The following SORCS3 variants were observed in gnomAD, a reference collection of about 807,000 sequenced individuals.
SORCS3 encodes VPS10 domain-containing receptor SorCS3.
In SORCS3, 57 loss-of-function variants were observed where a neutral mutation model predicts 146.3. The observed-to-expected ratio is 0.39, with a 90% CI of 0.31 to 0.49. The LOEUF (loss-of-function observed/expected upper bound fraction) is 0.49. Among genes scored for constraint, SORCS3 ranks in the 20% least tolerant of loss-of-function variants. SORCS3 has a pLI of 0.92. For synonymous variants in SORCS3, 653 were observed against 618.5 expected, an observed-to-expected ratio of 1.06 and a Z score of -0.83; for missense variants, 1,341 against 1,575.5, an observed-to-expected ratio of 0.85 and a Z score of 2.52.
At chr10:105,105,581 A>C (rs1217850659) in intron 7 of SORCS3, 66 bp downstream of exon 7, 1 of 1,136,280 alleles carries the variant, frequency 8.8e-7, no homozygotes, top group African/African-American at 1.5e-5. Context: ...CTGCTAGGAA[A>C]AGGAGGGTGG....
chr10:105,072,124 G>C (rs748659767), intron 5 of SORCS3, among the ~76,000 whole-genome samples: 3 of 152,098 alleles, frequency 2.0e-5, no homozygotes, highest in Non-Finnish European at 4.4e-5. Flanking sequence ...ATTCTTGCTG[G>C]GTTGCAATTC....
At chr10:105,096,090 A>G (rs778064586) in intron 6 of SORCS3, among the ~76,000 whole-genome samples, 1 of 148,526 alleles carries the variant, frequency 6.7e-6, no homozygotes, top group Non-Finnish European at 1.5e-5. Flanking sequence ...AAGCATTATA[A>G]TCACCTCACA....
At chr10:104,735,272 T>C (rs1314988179) in intron 1 of SORCS3, among the ~76,000 whole-genome samples, 1 of 151,984 alleles carries the variant, frequency 6.6e-6, no homozygotes, top group Non-Finnish European at 1.5e-5. Flanking sequence ...CTCAAAAAAT[T>C]GGCTTAGAAA....
Position 105,147,485 on chromosome 10 carries a change from G to A in SORCS3, c.1303-132G>A, listed in dbSNP as rs2056139288. On this transcript the variant is annotated intron_variant, in intron 8 of 26. Transcript: ENST00000369701. ...ATAATTTATAGCCTTGGTTCAACATGGAATTGTTTAACATTGCCTATAACT... is the reference window on the plus strand; with the variant it reads ...ATAATTTATAGCCTTGGTTCAACATAGAATTGTTTAACATTGCCTATAACT... 7 of 670,306 alleles carry A rather than the reference G, an allele frequency of 1.0e-5. No individual in the cohort carries two copies. The East Asian group carries it at 2.1e-4, about 20-fold the overall frequency. 41.5% of individuals were successfully genotyped at this position (670,306 alleles called of 1,614,324 possible). A position where few individuals can be genotyped will look rare whatever the true frequency, so the allele number is the denominator to read the frequency against.
chr10:105,238,752 T>C (rs1419766519), intron 20 of SORCS3, among the ~76,000 whole-genome samples: 1 of 152,218 alleles, frequency 6.6e-6, no homozygotes, highest in Admixed American at 6.5e-5. Context: ...AGTTTTTAGA[T>C]GTATTTAAGT....
intron 5 of SORCS3, among the ~76,000 whole-genome samples, chr10:105,086,665 G>A (rs74157417): frequency 0.015 from 2,275 of 152,254 alleles, 54 homozygotes; most frequent in African/African-American, 0.052. Context: ...ATCAGGCTTC[G>A]TCAGTATGGT....
chr10:105,227,885 T>C (rs2056743186), intron 20 of SORCS3, among the ~76,000 whole-genome samples: 1 of 152,038 alleles, frequency 6.6e-6, no homozygotes. Context: ...ATTTTCAGTT[T>C]TCATTTGCAT....
chr10:104,928,065 A>ATGAG (rs2019166944), intron 3 of SORCS3, among the ~76,000 whole-genome samples: 1 of 152,158 alleles, frequency 6.6e-6, no homozygotes, highest in Non-Finnish European at 1.5e-5. Flanking sequence ...TGATAAGGTA[A>ATGAG]TGAGAGTATA....
intron 4 of SORCS3, among the ~76,000 whole-genome samples, chr10:105,006,963 T>C (rs1008472522): frequency 1.3e-4 from 20 of 152,324 alleles, no homozygotes; most frequent in Non-Finnish European, 2.2e-4. Flanking sequence ...AGGAAAAGAC[T>C]TGGTCTCCTT....
chr10:104,726,682 G>T (rs1179459724), intron 1 of SORCS3, among the ~76,000 whole-genome samples: 1 of 151,868 alleles, frequency 6.6e-6, no homozygotes, highest in Non-Finnish European at 1.5e-5. Context: ...ATCTTCAATA[G>T]CTCTCTGTTG....
chr10:105,226,082 T>G (rs1370202066), intron 20 of SORCS3, among the ~76,000 whole-genome samples: 1 of 151,926 alleles, frequency 6.6e-6, no homozygotes, highest in Non-Finnish European at 1.5e-5. Flanking sequence ...GGTTAGGACT[T>G]CCGGTCCTAT....
chr10:104,752,898 G>A (rs2017005348), intron 1 of SORCS3, among the ~76,000 whole-genome samples: 1 of 151,936 alleles, frequency 6.6e-6, no homozygotes, highest in African/African-American at 2.4e-5. Context: ...CAACAACCTT[G>A]GAAAGGGTTT....
intron 4 of SORCS3, among the ~76,000 whole-genome samples, chr10:104,998,966 A>G (rs572257490): frequency 1.3e-5 from 2 of 152,292 alleles, no homozygotes; most frequent in African/African-American, 4.8e-5. Flanking sequence ...GTGGAAGTAT[A>G]CACAAAGGGG....
chr10:104,965,661 ATTTCT>A (rs2054822277), intron 3 of SORCS3, among the ~76,000 whole-genome samples: 1 of 151,992 alleles, frequency 6.6e-6, no homozygotes, highest in African/African-American at 2.4e-5. Context: ...TTTGATTTGC[ATTTCT>A]TTAATGATTA....
intron 3 of SORCS3, among the ~76,000 whole-genome samples, chr10:104,970,462 C>T (rs551678745): frequency 1.4e-4 from 22 of 152,256 alleles, no homozygotes; most frequent in East Asian, 5.8e-4. Context: ...CCATTATATT[C>T]GTCCTTTCAA....
chr10:105,150,586 T>C (rs190418400), intron 9 of SORCS3, among the ~76,000 whole-genome samples: 1 of 152,214 alleles, frequency 6.6e-6, no homozygotes, highest in Non-Finnish European at 1.5e-5. Context: ...ATGGTGCTGA[T>C]TTGTGAGAAA....
At chr10:105,202,070 C>T (rs939190923) in intron 16 of SORCS3, among the ~76,000 whole-genome samples, 2 of 152,186 alleles carry the variant, frequency 1.3e-5, no homozygotes. Context: ...TTCTTTCCAT[C>T]TCTCAGCTGT....
At chr10:104,785,706 C>G (rs1307090700) in intron 1 of SORCS3, among the ~76,000 whole-genome samples, 1 of 152,120 alleles carries the variant, frequency 6.6e-6, no homozygotes, top group African/African-American at 2.4e-5. Flanking sequence ...TGTTAGTCAC[C>G]AGAACTCACA....
At chr10:105,051,765 G>A (rs1447985681) in intron 5 of SORCS3, among the ~76,000 whole-genome samples, 4 of 152,092 alleles carry the variant, frequency 2.6e-5, no homozygotes, top group African/African-American at 9.7e-5. Context: ...AGATTTTAAG[G>A]CTATTGCAAA....
Sources: gnomAD v4.1 joint callset for allele counts (sites outside exome capture counted in the v4.1 genomes callset) on GRCh38, gnomAD v4.1.1 for gene constraint, MANE v1.5 for transcripts, NCBI Gene and HGNC (gene_info 2026-07-23, HGNC 2026-07-21) for gene names.